The following PCDHA11 variants were observed in gnomAD, a reference collection of about 807,000 sequenced individuals.
PCDHA11 encodes protocadherin alpha-11.
In PCDHA11, 61 loss-of-function variants were observed where a neutral mutation model predicts 70.3. The ratio of observed to expected loss-of-function variants is 0.87; its 90% CI spans 0.71 to 1.07. The LOEUF is 1.07. Ranked by LOEUF, PCDHA11 falls within the 50% of genes least tolerant of loss-of-function variation. PCDHA11 has a pLI of 0.00. For synonymous variants in PCDHA11, 633 were observed against 555.1 expected, an observed-to-expected ratio of 1.14 and a Z score of -1.97; for missense variants, 1,324 against 1,237.5, an observed-to-expected ratio of 1.07 and a Z score of -1.05.
intron 1 of PCDHA11, among the ~76,000 whole-genome samples, chr5:140,909,322 T>A (rs1554193738): frequency 6.6e-6 from 1 of 152,236 alleles, no homozygotes. Context: ...ATTTGCCAAA[T>A]CAATGGTTGC....
chr5:140,871,673 C>T (rs980419228), intron 1 of PCDHA11, 179 bp downstream of exon 1: 1 of 1,142,814 alleles, frequency 8.8e-7, no homozygotes, highest in East Asian at 2.6e-5. Flanking sequence ...GTCTTTTAAT[C>T]ATATGAATAA....
intron 1 of PCDHA11, among the ~76,000 whole-genome samples, chr5:140,887,521 T>C (rs561642770): frequency 1.3e-5 from 2 of 152,346 alleles, no homozygotes; most frequent in Admixed American, 1.3e-4. Flanking sequence ...TTTTTATATA[T>C]GAGTCTTCCT....
chr5:140,971,902 T>G (rs1554233695), intron 1 of PCDHA11, among the ~76,000 whole-genome samples: 2 of 152,280 alleles, frequency 1.3e-5, no homozygotes, highest in Admixed American at 1.3e-4. Flanking sequence ...GGTTAGGTAA[T>G]CTACACAGCC....
intron 1 of PCDHA11, chr5:140,882,775 C>T (rs1554175564): frequency 2.5e-6 from 4 of 1,614,220 alleles, no homozygotes; most frequent in East Asian, 4.5e-5. Flanking sequence ...CGGCATTGAC[C>T]TACCGACTGG....
intron 1 of PCDHA11, among the ~76,000 whole-genome samples, chr5:140,945,113 T>C (rs1359604882): frequency 2.6e-5 from 4 of 152,084 alleles, no homozygotes; most frequent in African/African-American, 4.8e-5. Flanking sequence ...AGTTGAAAGA[T>C]AAAAAATCAA....
intron 1 of PCDHA11, chr5:140,884,217 T>C (rs782181432): frequency 6.2e-7 from 1 of 1,613,448 alleles, no homozygotes; most frequent in East Asian, 2.2e-5. Flanking sequence ...CTTCTGGTGC[T>C]GGTGAAGGAC....
At chr5:140,898,797 C>T (rs1210404780) in intron 1 of PCDHA11, among the ~76,000 whole-genome samples, 7 of 152,160 alleles carry the variant, frequency 4.6e-5, no homozygotes, top group East Asian at 1.9e-4. Context: ...GCCATTTTCA[C>T]GATACTGATT....
At chr5:140,905,669 A>T (rs781948009) in intron 1 of PCDHA11, among the ~76,000 whole-genome samples, 1 of 152,228 alleles carries the variant, frequency 6.6e-6, no homozygotes, top group Non-Finnish European at 1.5e-5. Flanking sequence ...ATCCATTAAC[A>T]TGGAACATAT....
intron 1 of PCDHA11, among the ~76,000 whole-genome samples, chr5:140,951,465 C>G (rs1304466995): frequency 1.3e-5 from 2 of 151,966 alleles, no homozygotes; most frequent in Non-Finnish European, 2.9e-5. Context: ...TGCTTGGCTT[C>G]TGGGGAGCCT....
chr5:140,885,430 A>T (rs1216159578), intron 1 of PCDHA11, among the ~76,000 whole-genome samples: 2 of 152,132 alleles, frequency 1.3e-5, no homozygotes, highest in African/African-American at 4.8e-5. Context: ...CCACAGTGTA[A>T]GTGTGCAATT....
intron 1 of PCDHA11, among the ~76,000 whole-genome samples, chr5:140,960,819 G>A (rs1287793882): frequency 1.3e-5 from 2 of 152,146 alleles, no homozygotes; most frequent in Admixed American, 6.5e-5. Context: ...CCCAAGTGAT[G>A]AATGGAAACT....
chr5:140,928,645 G>A (rs782494285), intron 1 of PCDHA11: 4 of 1,614,084 alleles, frequency 2.5e-6, no homozygotes, highest in Non-Finnish European at 2.5e-6. Context: ...AAAAGTGGTA[G>A]CAGAGGATGC....
In PCDHA11 at chr5:140,871,387, G is replaced by A. The variant is rs372339362; in HGVS notation, c.2284G>A (p.Gly762Ser). Reference sequence around the variant, plus strand: ...GCGGCAGAGGGTGTGCTCTGAGGAGGGCCCACCTAAGACGGACCTCATGGC... The same window carrying A: ...GCGGCAGAGGGTGTGCTCTGAGGAGAGCCCACCTAAGACGGACCTCATGGC... ...QRRQRVCSEE[G>S]PPKTDLMAFS... is the part of the protein sequence containing the mutation. The change falls in exon 1 of 4, where the codon GGC (glycine) becomes AGC (serine). Residue 762 changes from glycine (G) to serine (S), a missense_variant. Coordinates refer to ENST00000398640, the MANE Select transcript of PCDHA11 (RefSeq NM_018902.5). 87 of 1,614,172 alleles carry A rather than the reference G, an allele frequency of 5.4e-5. No homozygotes were observed. The African/African-American group carries it at 1.0e-3, about 19-fold the overall frequency.
chr5:140,953,881 A>G (rs1481970999), intron 1 of PCDHA11, among the ~76,000 whole-genome samples: 2 of 152,130 alleles, frequency 1.3e-5, no homozygotes, highest in Non-Finnish European at 2.9e-5. Flanking sequence ...AGATCAACCC[A>G]TCACCTAGGT....
chr5:140,994,377 G>C (rs1260163825), intron 3 of PCDHA11, among the ~76,000 whole-genome samples: 3 of 152,098 alleles, frequency 2.0e-5, no homozygotes, highest in Non-Finnish European at 4.4e-5. Context: ...GGAAATTCAG[G>C]GGACTAAGTC....
rs782716769 is a variant in PCDHA11 at position 140,870,634 on chromosome 5, G to A, written c.1531G>A (p.Ala511Thr). The change falls in exon 1 of 4, where the codon GCG (alanine) becomes ACG (threonine). Residue 511 changes from alanine (A) to threonine (T), a missense_variant. By Grantham distance (58) the Ala-to-Thr change is moderately conservative. Transcript: ENST00000398640. Reference protein sequence around the residue: ...RALSSYVSVHAESGKVYALQP... With the variant: ...RALSSYVSVHTESGKVYALQP... ...GCTGTCGAGCTACGTGTCGGTGCAC[G>A]CGGAGAGCGGCAAGGTGTACGCGCT... 49 of 1,612,744 alleles carry A rather than the reference G, an allele frequency of 3.0e-5. No homozygotes were observed. Among genetic ancestry groups the A allele is most frequent in the Non-Finnish European group, 3.9e-5 (46 of 1,179,796 alleles).
At chr5:141,001,607 A>G (rs1554258244) in intron 3 of PCDHA11, among the ~76,000 whole-genome samples, 1 of 152,078 alleles carries the variant, frequency 6.6e-6, no homozygotes, top group African/African-American at 2.4e-5. Flanking sequence ...AGGTTTGCCC[A>G]ATTCATAAAG....
intron 1 of PCDHA11, among the ~76,000 whole-genome samples, chr5:140,897,693 G>A (rs1327367730): frequency 6.6e-6 from 1 of 152,008 alleles, no homozygotes; most frequent in African/African-American, 2.4e-5. Context: ...TAGTCCTTTG[G>A]GCATATACCC....
chr5:140,870,748 A>G lies in PCDHA11; in HGVS notation c.1645A>G (p.Thr549Ala), dbSNP rs782462608. ...AGVPPLSSNV[T>A]LQVFVLDEND... ...CGTGCCGCCTCTGAGCAGCAACGTG[A>G]CGCTGCAGGTGTTCGTGCTGGACGA... Residue 549 changes from threonine to alanine, a missense_variant, in exon 1 of 4, where the codon ACG becomes GCG. Physicochemically the swap from Thr to Ala is moderately conservative, Grantham distance 58 (BLOSUM62 0). Transcript: ENST00000398640. The G allele has an allele frequency of 1.9e-6, 3 of 1,613,510 alleles. No individual in the cohort carries two copies. In the South Asian group the frequency reaches 3.3e-5, roughly 18 times the overall value.
Sources: gnomAD v4.1 joint callset for allele counts (sites outside exome capture counted in the v4.1 genomes callset) on GRCh38, gnomAD v4.1.1 for gene constraint, MANE v1.5 for transcripts, NCBI Gene and HGNC (gene_info 2026-07-23, HGNC 2026-07-21) for gene names.